The following CALCR variants were observed in gnomAD, a reference collection of about 807,000 sequenced individuals.
CALCR encodes calcitonin receptor.
CALCR carries 47 observed loss-of-function variants against 59.5 expected under a neutral mutation model. The observed-to-expected ratio is 0.79, with a 90% CI of 0.63 to 1.01. The LOEUF (loss-of-function observed/expected upper bound fraction) is 1.01, where lower values mean the gene tolerates loss of function less well. Ranked by LOEUF, CALCR falls within the 50% of genes least tolerant of loss-of-function variation. The probability of loss-of-function intolerance (pLI) is 0.00; values close to 1 mark genes in which losing one functional copy is unlikely to be tolerated. For missense variants in CALCR, 566 were observed against 597.1 expected, an observed-to-expected ratio of 0.95 and a Z score of 0.54; for synonymous variants, 213 against 211.3, an observed-to-expected ratio of 1.01 and a Z score of -0.07.
rs113427242 is a variant in CALCR at position 93,531,677 on chromosome 7, G to A, written c.-27+42612C>T. 1.5e-3 allele frequency among the ~76,000 whole-genome samples: 231 copies of A among 152,042 alleles called. 2 individuals are homozygous for A. Among genetic ancestry groups the A allele is most frequent in the African/African-American group, 5.3e-3 (220 of 41,490 alleles). On this transcript the variant is annotated intron_variant, in intron 2 of 13. Transcript: ENST00000426151. ...TCTAACCCCTGATTTCTTTAATTGT[G>A]TTCATCCTTATACTAGTTTCCATGT...
chr7:93,473,790 T>G lies in CALCR; in HGVS notation c.317-1303A>C, dbSNP rs149832855. ...GAAAGAACTTTTTCCAAGTGCTTGC[T>G]TTGTGGTGTCTGCTGGTTCCCATCA... On this transcript the variant is annotated intron_variant, in intron 5 of 13. Coordinates refer to ENST00000426151, the MANE Select transcript of CALCR (RefSeq NM_001742.4). 1.7e-3 allele frequency among the ~76,000 whole-genome samples: 265 copies of G among 151,816 alleles called. 1 individual carries two copies. The highest frequency in any genetic ancestry group is 6.1e-3 in the African/African-American group (255 of 41,488).
At chr7:93,533,431 C>T (rs376441039) in intron 2 of CALCR, among the ~76,000 whole-genome samples, 2 of 152,070 alleles carry the variant, frequency 1.3e-5, no homozygotes, top group African/African-American at 4.8e-5. Flanking sequence ...AGAAGCCTGA[C>T]ACTTTTTACA....
intron 2 of CALCR, among the ~76,000 whole-genome samples, chr7:93,517,633 G>A (rs1801677561): frequency 6.6e-6 from 1 of 151,852 alleles, no homozygotes; most frequent in Non-Finnish European, 1.5e-5. Context: ...TTACATTGAA[G>A]CTATCAAAAC....
intron 2 of CALCR, among the ~76,000 whole-genome samples, chr7:93,522,976 A>C (rs948189993): frequency 6.6e-6 from 1 of 152,150 alleles, no homozygotes; most frequent in Non-Finnish European, 1.5e-5. Context: ...GGTTAGGAAA[A>C]TTGAGATGAT....
At chr7:93,452,559 C>A (rs776213341) in intron 8 of CALCR, among the ~76,000 whole-genome samples, 25 of 151,954 alleles carry the variant, frequency 1.6e-4, no homozygotes, top group Non-Finnish European at 1.5e-4. Flanking sequence ...AAGGATGCAA[C>A]ATTTTCAATT....
chr7:93,428,786 C>CA (rs562182322), intron 13 of CALCR, among the ~76,000 whole-genome samples: 9,962 of 83,158 alleles, frequency 0.12, 555 homozygotes, highest in Admixed American at 0.2. Context: ...GACTCCGTCT[C>CA]AAAAAAAAAA....
intron 2 of CALCR, among the ~76,000 whole-genome samples, chr7:93,527,532 T>A (rs1395661665): frequency 3.3e-5 from 5 of 152,174 alleles, no homozygotes. Flanking sequence ...GTTTTGTGAT[T>A]TTTGAGTGAT....
chr7:93,432,864 A>G (rs1301293876), intron 13 of CALCR, among the ~76,000 whole-genome samples: 1 of 152,226 alleles, frequency 6.6e-6, no homozygotes, highest in Non-Finnish European at 1.5e-5. Flanking sequence ...ACACGGGGTG[A>G]CTTACGCCCT....
At chr7:93,450,638 A>G (rs1800089811) in intron 8 of CALCR, among the ~76,000 whole-genome samples, 1 of 151,952 alleles carries the variant, frequency 6.6e-6, no homozygotes. Flanking sequence ...AACTCTACTC[A>G]CAACTATCTC....
At chr7:93,429,779 G>A (rs991988092) in intron 13 of CALCR, among the ~76,000 whole-genome samples, 2 of 151,134 alleles carry the variant, frequency 1.3e-5, no homozygotes, top group East Asian at 1.9e-4. Context: ...AGATTGTAAC[G>A]CCCACTCCTT....
chr7:93,522,325 T>C (rs895178879), intron 2 of CALCR, among the ~76,000 whole-genome samples: 2 of 152,222 alleles, frequency 1.3e-5, no homozygotes, highest in Non-Finnish European at 2.9e-5. Context: ...TTTATCATCA[T>C]TCATTGAATT....
intron 2 of CALCR, among the ~76,000 whole-genome samples, chr7:93,551,893 A>G (rs1017921287): frequency 5.9e-5 from 9 of 152,226 alleles, no homozygotes; most frequent in Non-Finnish European, 1.2e-4. Context: ...TATATTTTCA[A>G]TATAGATGAC....
intron 2 of CALCR, among the ~76,000 whole-genome samples, chr7:93,538,617 T>TTTTTTG (rs375922520): frequency 1.1e-4 from 16 of 151,972 alleles, no homozygotes; most frequent in Non-Finnish European, 2.1e-4. Flanking sequence ...ACTTAACCTG[T>TTTTTTG]TTTTTGTTTT....
At chr7:93,483,477 A>G (rs1285331674) in intron 3 of CALCR, among the ~76,000 whole-genome samples, 2 of 147,138 alleles carry the variant, frequency 1.4e-5, no homozygotes, top group Non-Finnish European at 3.0e-5. Context: ...AGATAGATAT[A>G]AACATATAAA....
At chr7:93,539,007 C>T (rs1421982320) in intron 2 of CALCR, among the ~76,000 whole-genome samples, 1 of 151,966 alleles carries the variant, frequency 6.6e-6, no homozygotes, top group African/African-American at 2.4e-5. Context: ...ATTCTTCTTC[C>T]AGATTTTGTA....
intron 3 of CALCR, 127 bp from the exon 4 acceptor site, chr7:93,479,634 A>G (rs1800750313): frequency 3.8e-6 from 3 of 794,954 alleles, no homozygotes; most frequent in Middle Eastern, 2.9e-4. Context: ...CATGGTCTCT[A>G]TGTACAGTTT....
At chr7:93,550,268 T>C (rs1044492181) in intron 2 of CALCR, among the ~76,000 whole-genome samples, 1 of 151,770 alleles carries the variant, frequency 6.6e-6, no homozygotes, top group Admixed American at 6.6e-5. Flanking sequence ...GGCAGGTAAA[T>C]CACCTGAGGT....
intron 13 of CALCR, among the ~76,000 whole-genome samples, chr7:93,428,334 G>T (rs1052713151): frequency 1.3e-5 from 2 of 152,230 alleles, no homozygotes; most frequent in African/African-American, 4.8e-5. Flanking sequence ...AAATCATATA[G>T]CTAGAATGTG....
rs371663604 is a variant in CALCR at position 93,477,557 on chromosome 7, C to T, written c.316+1G>A. 3 of 1,586,906 alleles carry T rather than the reference C, an allele frequency of 1.9e-6. No individual in the cohort carries two copies. The highest frequency in any genetic ancestry group is 1.7e-4 in the Middle Eastern group (1 of 6,004). On this transcript the variant is annotated splice_donor_variant, in intron 5 of 13. Coordinates refer to ENST00000426151, the MANE Select transcript of CALCR (RefSeq NM_001742.4). LOFTEE classifies it high-confidence loss of function. ...ACATAAAATGAAAATAAACACTCTA[C>T]CTGATGGATCAAAATCCGGAAAATA... is the stretch of plus-strand genomic sequence containing the variant.
Sources: allele counts gnomAD v4.1 joint callset (sites outside exome capture counted in the v4.1 genomes callset), GRCh38; gene constraint gnomAD v4.1.1; transcripts MANE v1.5; gene names NCBI Gene and HGNC (gene_info 2026-07-23, HGNC 2026-07-21).